Variants in SLC26A4 observed in about 807,000 individuals in gnomAD.
The protein encoded by SLC26A4 is solute carrier family 26 member 4, also known as pendrin.
In SLC26A4, 93 loss-of-function variants were observed where a neutral mutation model predicts 90.4. That is an observed-to-expected ratio of 1.03 (90% CI 0.87 to 1.22). SLC26A4 has a LOEUF of 1.22. Ranked by LOEUF, SLC26A4 falls within the 50% of genes most tolerant of loss-of-function variation. The pLI, the probability that SLC26A4 is intolerant of heterozygous loss-of-function variation, is 0.00. For synonymous variants in SLC26A4, 393 were observed against 354.6 expected (o/e 1.11, Z -1.22); for missense variants, 1,127 against 946.2 (o/e 1.19, Z -2.51).
chr7:107,686,623 G>A (rs541949226), intron 8 of SLC26A4, among the ~76,000 whole-genome samples: 68 of 152,082 alleles, frequency 4.5e-4, no homozygotes, highest in African/African-American at 1.6e-3. Flanking sequence ...GAGTAGCTGG[G>A]ACAACAGGCA....
intron 8 of SLC26A4, among the ~76,000 whole-genome samples, chr7:107,685,612 C>A (rs1203582935): frequency 6.6e-6 from 1 of 152,218 alleles, no homozygotes; most frequent in East Asian, 1.9e-4. Flanking sequence ...TGGCTCCATG[C>A]CCTTCCCTCT....
chr7:107,696,247 A>G (rs992940343), intron 13 of SLC26A4, among the ~76,000 whole-genome samples: 3 of 152,238 alleles, frequency 2.0e-5, no homozygotes, highest in African/African-American at 7.2e-5. Flanking sequence ...CTCATTCTAC[A>G]GGTGAGAAAA....
At chr7:107,671,091 G>T (rs1376765804) in intron 3 of SLC26A4, among the ~76,000 whole-genome samples, 2 of 152,188 alleles carry the variant, frequency 1.3e-5, no homozygotes, top group Non-Finnish European at 2.9e-5. Context: ...AGAACGCAGA[G>T]AAATATTGAG....
rs55701254 is a variant in SLC26A4 at position 107,701,083 on chromosome 7, T to A, written c.1708-18T>A. ...TAGGTGCCAGGCATTTTAAGTAACT[T>A]GACATTTATTTCCAAAGGTTGGATT... On this transcript the variant is annotated intron_variant, in intron 15 of 20. Transcript: ENST00000644269. 43,081 of 1,490,604 alleles carry A rather than the reference T, an allele frequency of 0.029. 756 individuals are homozygous for A. Among genetic ancestry groups the A allele is most frequent in the Non-Finnish European group, 0.033 (35,063 of 1,067,460 alleles). 92.3% of individuals were successfully genotyped at this position (1,490,604 alleles called of 1,614,324 possible). A position where few individuals can be genotyped will look rare whatever the true frequency, so the allele number is the denominator to read the frequency against.
intron 17 of SLC26A4, 149 bp downstream of exon 17, chr7:107,702,206 A>G (rs1791914234): frequency 4.3e-6 from 3 of 701,102 alleles, no homozygotes; most frequent in South Asian, 1.6e-5. Flanking sequence ...ATTTTAAAGC[A>G]TAGGCTCTGG....
chr7:107,675,851 CG>C (rs748829152), intron 6 of SLC26A4, among the ~76,000 whole-genome samples: 2 of 151,298 alleles, frequency 1.3e-5, no homozygotes, highest in African/African-American at 2.4e-5. Flanking sequence ...GGATTACAGG[CG>C]TGAGCCACCG....
At chr7:107,688,890 T>C (rs968982498) in intron 8 of SLC26A4, among the ~76,000 whole-genome samples, 163 bp from the exon 9 acceptor site, 1 of 152,252 alleles carries the variant, frequency 6.6e-6, no homozygotes. Flanking sequence ...TTAAACATTA[T>C]AAAAGCTGCT....
At chr7:107,671,140 CT>C in intron 3 of SLC26A4, among the ~76,000 whole-genome samples, 1 of 152,210 alleles carries the variant, frequency 6.6e-6, no homozygotes, top group East Asian at 1.9e-4. Context: ...TGGTCTGAGC[CT>C]TTGGAGTGAA....
chr7:107,663,410 T>G lies in SLC26A4; in HGVS notation c.279T>G (p.Ser93Arg). ...WLLSDVISGVSTGLVATLQGM... is the reference protein window; with the variant it reads ...WLLSDVISGVRTGLVATLQGM... ...TTAGTGACGTCATTTCGGGAGTTAG[T>G]ACTGGGCTAGTGGCCACGCTGCAAG... The change falls in exon 3 of 21, where the codon AGT (serine) becomes AGG (arginine). Residue 93 changes from serine (S) to arginine (R), a missense_variant. Physicochemically the swap from Ser to Arg is moderately radical, Grantham distance 110. Coordinates refer to ENST00000644269, the MANE Select transcript of SLC26A4 (RefSeq NM_000441.2). 1.9e-6 allele frequency: 3 copies of G among 1,614,102 alleles called. No individual in the cohort carries two copies. Among genetic ancestry groups the G allele is most frequent in the Admixed American group, 1.7e-5 (1 of 60,000 alleles).
rs1790545793 is a variant in SLC26A4 at position 107,661,430 on chromosome 7, T to A, written c.-3-209T>A. ...GGGTGCAGGCCACGAGACCCGAAGG[T>A]TCTCAGGTGCCCCCCTGCAGGCTGG... On this transcript the variant is annotated intron_variant, in intron 1 of 20. Coordinates refer to ENST00000644269, the MANE Select transcript of SLC26A4 (RefSeq NM_000441.2). This position sits in a 1 kb window ranked among gnomAD's most constrained non-coding sequence, Gnocchi z 5.1. 1.6e-6 allele frequency: 1 copy of A among 615,612 alleles called. No individual in the cohort carries two copies. The highest frequency in any genetic ancestry group is 2.7e-5 in the Admixed American group (1 of 36,870). 38.1% of individuals were successfully genotyped at this position (615,612 alleles called of 1,614,324 possible).
chr7:107,689,365 TA>T (rs559613300), intron 9 of SLC26A4, among the ~76,000 whole-genome samples, 165 bp downstream of exon 9: 68 of 152,332 alleles, frequency 4.5e-4, no homozygotes, highest in African/African-American at 1.6e-3. Context: ...TATTTTGGAA[TA>T]GACACACTGC....
chr7:107,695,958 T>A lies in SLC26A4; in HGVS notation c.1463T>A (p.Val488Glu), dbSNP rs773614117. 9 of 1,608,516 alleles carry A rather than the reference T, an allele frequency of 5.6e-6. No homozygotes were observed. The Admixed American group carries it at 1.5e-4, about 27-fold the overall frequency. ...GTTATCTGGGTGTTTACGTGTATAG[T>A]GTCCATCATTCTGGGGCTGGATCTC... ...DAVIWVFTCI[V>E]SIILGLDLGL... The change falls in exon 13 of 21, where the codon GTG becomes GAG. Residue 488 changes from valine (V) to glutamate (E), a missense_variant. Physicochemically the swap from Val to Glu is moderately radical, Grantham distance 121. Transcript: ENST00000644269.
intron 3 of SLC26A4, among the ~76,000 whole-genome samples, chr7:107,667,801 G>A (rs1321627936): frequency 6.6e-6 from 1 of 152,082 alleles, no homozygotes; most frequent in Non-Finnish European, 1.5e-5. Flanking sequence ...AGGCAGGAGG[G>A]ATATTTCTTC....
At chr7:107,680,440 CTT>C (rs1791201273) in intron 6 of SLC26A4, among the ~76,000 whole-genome samples, 1 of 126,660 alleles carries the variant, frequency 7.9e-6, no homozygotes, top group African/African-American at 3.5e-5. Flanking sequence ...TAAGTATAAT[CTT>C]TTATTATATT....
rs1376210516 is a variant in SLC26A4 at position 107,690,226 on chromosome 7, G to A, written c.1252G>A (p.Gly418Arg). The change falls in exon 10 of 21, where the codon GGA becomes AGA. Residue 418 changes from glycine (G) to arginine (R), a missense_variant. Coordinates refer to ENST00000644269, the MANE Select transcript of SLC26A4 (RefSeq NM_000441.2). ...CACGGCCGTCCAGGAGAGCACTGGA[G>A]GAAAGACACAGGTAGGAACAACAGC... is the stretch of plus-strand genomic sequence containing the variant. The part of the protein sequence containing the change: ...SRTAVQESTG[G>R]KTQVAGIISA... The A allele has an allele frequency of 1.3e-6, 2 of 1,592,888 alleles. No homozygotes were observed. Among genetic ancestry groups the A allele is most frequent in the Non-Finnish European group, 1.7e-6 (2 of 1,160,834 alleles).
chr7:107,692,017 C>T, intron 10 of SLC26A4: 1 of 1,289,250 alleles, frequency 7.8e-7, no homozygotes, highest in Non-Finnish European at 1.0e-6. Flanking sequence ...TCTCAAACTG[C>T]TGATGTCCAT....
Position 107,690,315 on chromosome 7 carries a change from T to G in SLC26A4, c.1263+78T>G, listed in dbSNP as rs929594510. ...CAACAGAGGAAGGCTCGCACCGAGC[T>G]TAGCAGGACAATTTGCCTTTCAGAC... On this transcript the variant is annotated intron_variant, in intron 10 of 20. Transcript: ENST00000644269. 22 of 889,436 alleles carry G rather than the reference T, an allele frequency of 2.5e-5. No individual in the cohort carries two copies. In the Admixed American group the frequency reaches 3.8e-4, roughly 15 times the overall value. The allele number at this position is 889,436 out of a possible 1,614,324, so 55.1% of individuals were successfully genotyped here.
intron 14 of SLC26A4, 73 bp from the exon 15 acceptor site, chr7:107,700,010 A>T (rs1791841481): frequency 1.7e-5 from 15 of 896,676 alleles, no homozygotes; most frequent in Middle Eastern, 4.3e-4. Context: ...ACTCCTTGCT[A>T]AGTAGCCAGA....
At chr7:107,667,100 T>G (rs1270216665) in intron 3 of SLC26A4, among the ~76,000 whole-genome samples, 1 of 151,884 alleles carries the variant, frequency 6.6e-6, no homozygotes, top group Non-Finnish European at 1.5e-5. Flanking sequence ...GAGGAGCAGG[T>G]TTGGGATAGG....
Sources: gnomAD v4.1 joint callset for allele counts (sites outside exome capture counted in the v4.1 genomes callset) on GRCh38, gnomAD v4.1.1 for gene constraint, Gnocchi (gnomAD v3.1) non-coding constraint, MANE v1.5 for transcripts, NCBI Gene and HGNC (gene_info 2026-07-23, HGNC 2026-07-21) for gene names.